Variants in ERCC3 observed in about 807,000 individuals in gnomAD.
The protein encoded by ERCC3 is ERCC excision repair 3, TFIIH core complex helicase subunit, also known as general transcription and DNA repair factor IIH helicase/translocase subunit XPB.
In ERCC3, 66 loss-of-function variants were observed where a neutral mutation model predicts 94.2. The observed-to-expected ratio is 0.70, with a 90% CI of 0.57 to 0.86. The LOEUF (loss-of-function observed/expected upper bound fraction) is 0.86. ERCC3 is among the 40% of genes least tolerant of loss of function. The probability of loss-of-function intolerance (pLI) is 0.00; values close to 1 mark genes in which losing one functional copy is unlikely to be tolerated. For synonymous variants in ERCC3, 349 were observed against 369.1 expected (o/e 0.95, Z 0.63); for missense variants, 829 against 987.1 (o/e 0.84, Z 2.15).
chr2:127,270,959 TGATCAAG>T (rs1347361990), intron 12 of ERCC3, among the ~76,000 whole-genome samples: 1 of 152,212 alleles, frequency 6.6e-6, no homozygotes, highest in Admixed American at 6.5e-5. Context: ...CCCTGCCTCC[TGATCAAG>T]TTCCAGAAGC....
At chr2:127,285,119 G>A (rs1210626070) in intron 8 of ERCC3, among the ~76,000 whole-genome samples, 1 of 152,176 alleles carries the variant, frequency 6.6e-6, no homozygotes, top group Non-Finnish European at 1.5e-5. Flanking sequence ...GGAAGTGAAA[G>A]AAGCCAGACA....
Position 127,261,665 on chromosome 2 carries a change from A to C in ERCC3, c.1946-319T>G, listed in dbSNP as rs4150513. 9.4e-4 allele frequency: 344 copies of C among 364,978 alleles called. 1 individual carries two copies. The highest frequency in any genetic ancestry group is 4.6e-3 in the African/African-American group (221 of 47,610). 22.6% of individuals were successfully genotyped at this position (364,978 alleles called of 1,614,324 possible). ...AATTAATTATAAATGAGAGAAGAAT[A>C]TGAACAGATTACTTCTCCAAAAACA... On this transcript the variant is annotated intron_variant, in intron 12 of 14. Transcript: ENST00000285398.
Position 127,286,996 on chromosome 2 carries a change from C to A in ERCC3, c.1049G>T (p.Gly350Val), listed in dbSNP as rs374654628. The change falls in exon 8 of 15, where the codon GGT (glycine) becomes GTT (valine). Residue 350 changes from glycine (G) to valine (V), a missense_variant. Coordinates refer to ENST00000285398, the MANE Select transcript of ERCC3 (RefSeq NM_000122.2). ...TCTGACAGTGCATGCAGCAGTCACA[C>A]CAACCAGGGACTTTCCAGCACCTAC... ...LPCGAGKSLV[G>V]VTAACTVRKR... 1.1e-5 allele frequency: 17 copies of A among 1,612,898 alleles called. No individual in the cohort carries two copies. The highest frequency in any genetic ancestry group is 1.3e-5 in the African/African-American group (1 of 74,936).
intron 8 of ERCC3, 121 bp downstream of exon 8, chr2:127,286,582 G>A: frequency 1.1e-6 from 1 of 923,390 alleles, no homozygotes; most frequent in Non-Finnish European, 1.8e-6. Flanking sequence ...GCTTTACCCA[G>A]CAAGCCAGCA....
intron 1 of ERCC3, 70 bp downstream of exon 1, chr2:127,293,984 C>G: frequency 1.3e-6 from 2 of 1,578,974 alleles, no homozygotes; most frequent in East Asian, 2.3e-5. Flanking sequence ...CCCGGAGCAG[C>G]TCCGAGGCAG....
Position 127,288,595 on chromosome 2 carries a change from C to G in ERCC3, c.1027+65G>C. ...TTTAGGGAAATGTGCAGAGAGAAAG[C>G]GGGAGGCAGCTGGCAGATCCAGACA... is the stretch of plus-strand genomic sequence containing the variant. On this transcript the variant is annotated intron_variant, in intron 7 of 14. Coordinates refer to ENST00000285398, the MANE Select transcript of ERCC3 (RefSeq NM_000122.2). The G allele has an allele frequency of 3.0e-6, 4 of 1,347,300 alleles. No individual in the cohort carries two copies. The South Asian group carries it at 4.7e-5, about 16-fold the overall frequency. The allele number at this position is 1,347,300 out of a possible 1,614,324, so 83.5% of individuals were successfully genotyped here. A position where few individuals can be genotyped will look rare whatever the true frequency, so the allele number is the denominator to read the frequency against.
intron 10 of ERCC3, among the ~76,000 whole-genome samples, chr2:127,276,770 A>T (rs76319933): frequency 1.6e-5 from 1 of 62,666 alleles, no homozygotes; most frequent in African/African-American, 6.3e-5. Flanking sequence ...TCACGATGAA[A>T]GAAAAACATT....
intron 2 of ERCC3, 41 bp from the exon 3 acceptor site, chr2:127,292,887 A>C (rs958858724): frequency 2.3e-6 from 3 of 1,285,154 alleles, no homozygotes; most frequent in Non-Finnish European, 3.4e-6. Flanking sequence ...AGGAAACATG[A>C]GTTGCAGAGA....
Position 127,289,487 on chromosome 2 carries a change from A to G in ERCC3, c.672T>C (p.Ala224=). The G allele has an allele frequency of 9.3e-6, 15 of 1,612,582 alleles. No individual in the cohort carries two copies. Among genetic ancestry groups the G allele is most frequent in the Non-Finnish European group, 1.2e-5 (14 of 1,180,028 alleles). The part of the protein sequence containing the change: ...FTSKSAISKT[A]ESSGGPSTSR... ...AAGTGGAGGGCCCACCACTGCTTTC[A>G]GCAGTCTTAGAAATCTGTGAGAGAG... Residue 224 remains alanine, a synonymous_variant, in exon 6 of 15, where the codon GCT becomes GCC. Transcript: ENST00000285398.
rs566656100 is a variant in ERCC3, at chr2:127,264,847, A to ATT, written c.1946-3503_1946-3502dup. ...GGTCCAGGACTTTTTTAGTTGGTAG[A>ATT]TTTTTTTTTTTTTTTTTGGAGGCGG... On this transcript the variant is annotated intron_variant, in intron 12 of 14. Transcript: ENST00000285398. This position sits in a 1 kb window ranked among gnomAD's most constrained non-coding sequence, Gnocchi z 4.4. 1.1e-4 allele frequency among the ~76,000 whole-genome samples: 15 copies of ATT among 138,654 alleles called. No individual in the cohort carries two copies. The highest frequency in any genetic ancestry group is 2.4e-4 in the African/African-American group (9 of 37,744). 91.0% of individuals were successfully genotyped at this position (138,654 alleles called of 152,430 possible).
At position 127,264,108 on chromosome 2, in the gene ERCC3, T is replaced by C. The variant is rs1336143493; in HGVS notation, c.1946-2762A>G. Among the ~76,000 whole-genome samples, 1 of 152,214 alleles carries C rather than the reference T, an allele frequency of 6.6e-6. No individual in the cohort carries two copies. Among genetic ancestry groups the C allele is most frequent in the Admixed American group, 6.5e-5 (1 of 15,282 alleles). ...ATAGATGGCTTTTATTATTGTGAGA[T>C]ATGTTCCTTCGATGCCATTTGTTGA... On this transcript the variant is annotated intron_variant, in intron 12 of 14. Coordinates refer to ENST00000285398, the MANE Select transcript of ERCC3 (RefSeq NM_000122.2). This position sits in a 1 kb window ranked among gnomAD's most constrained non-coding sequence, Gnocchi z 4.4.
Position 127,286,990 on chromosome 2 carries a change from G to A in ERCC3, c.1055C>T (p.Thr352Ile), listed in dbSNP as rs1685095021. ...GCGTTTTCTGACAGTGCATGCAGCA[G>A]TCACACCAACCAGGGACTTTCCAGC... ...CGAGKSLVGV[T>I]AACTVRKRCL... is the part of the protein sequence containing the mutation. The change falls in exon 8 of 15, where the codon ACT (threonine) becomes ATT (isoleucine). Residue 352 changes from threonine to isoleucine, a missense_variant. Physicochemically the swap from Thr to Ile is moderately conservative, Grantham distance 89. Coordinates refer to ENST00000285398, the MANE Select transcript of ERCC3 (RefSeq NM_000122.2). The A allele has an allele frequency of 6.2e-7, 1 of 1,613,254 alleles. No individual in the cohort carries two copies. The highest frequency in any genetic ancestry group is 1.1e-5 in the South Asian group (1 of 91,080).
In ERCC3 at chr2:127,277,441, C is replaced by T. The variant is rs1311360984; in HGVS notation, c.1730+1732G>A. Among the ~76,000 whole-genome samples, 1 of 152,160 alleles carries T rather than the reference C, an allele frequency of 6.6e-6. No individual in the cohort carries two copies. ...GCATGGTGGCTCACACCTGTAATCCCAGCACTTTGGAAGGCCGAGGCAGGC... is the reference window on the plus strand; with the variant it reads ...GCATGGTGGCTCACACCTGTAATCCTAGCACTTTGGAAGGCCGAGGCAGGC... On this transcript the variant is annotated intron_variant, in intron 10 of 14. Transcript: ENST00000285398. The surrounding 1 kb of genome is among the most constrained non-coding windows in gnomAD (Gnocchi z 5.1).
chr2:127,263,793 C>T (rs1024582864), intron 12 of ERCC3, among the ~76,000 whole-genome samples: 24 of 151,542 alleles, frequency 1.6e-4, no homozygotes, highest in South Asian at 1.0e-3. Flanking sequence ...CTGCAAGCTC[C>T]GCCTCCCAGG....
At position 127,279,233 on chromosome 2, in the gene ERCC3, T is replaced by C. The variant is rs1445759342; in HGVS notation, c.1670A>G (p.Lys557Arg). 5 of 1,613,790 alleles carry C rather than the reference T, an allele frequency of 3.1e-6. No homozygotes were observed. Among genetic ancestry groups the C allele is most frequent in the African/African-American group, 1.3e-5 (1 of 74,920 alleles). ...LIKFHERRND[K>R]IIVFADNVFA... ...CACATTGTCAGCAAAGACAATAATC[T>C]TGTCATTCCTCCTTTCATGAAACTT... is the stretch of plus-strand genomic sequence containing the variant. The change falls in exon 10 of 15, where the codon AAG (lysine) becomes AGG (arginine). Residue 557 changes from lysine (K) to arginine (R), a missense_variant. By Grantham distance (26) the Lys-to-Arg change is conservative. Coordinates refer to ENST00000285398, the MANE Select transcript of ERCC3 (RefSeq NM_000122.2). The surrounding 1 kb of genome is among the most constrained non-coding windows in gnomAD (Gnocchi z 4.7).
At chr2:127,278,834 CCA>C (rs753246568) in intron 10 of ERCC3, among the ~76,000 whole-genome samples, 81 of 152,214 alleles carry the variant, frequency 5.3e-4, no homozygotes, top group Non-Finnish European at 1.1e-3. Context: ...TCCTCTCCAC[CCA>C]CAGAGCTCAC....
intron 12 of ERCC3, among the ~76,000 whole-genome samples, chr2:127,266,973 C>T (rs922794887): frequency 2.0e-5 from 3 of 152,186 alleles, no homozygotes; most frequent in Non-Finnish European, 4.4e-5. Context: ...GCCTCAGCCT[C>T]CCAAAGTGCT....
chr2:127,258,213 A>G lies in ERCC3; in HGVS notation c.2218-486T>C, dbSNP rs1403114671. 6.6e-6 allele frequency among the ~76,000 whole-genome samples: 1 copy of G among 152,136 alleles called. No individual in the cohort carries two copies. Among genetic ancestry groups the G allele is most frequent in the Non-Finnish European group, 1.5e-5 (1 of 68,024 alleles). On this transcript the variant is annotated intron_variant, in intron 14 of 14. Coordinates refer to ENST00000285398, the MANE Select transcript of ERCC3 (RefSeq NM_000122.2). The surrounding 1 kb of genome is among the most constrained non-coding windows in gnomAD (Gnocchi z 4.1). ...CTCCCAAAGTGCTGGGATTACAGACATGAGCCACCATGCCTGGCCTGAACA... is the reference window on the plus strand; with the variant it reads ...CTCCCAAAGTGCTGGGATTACAGACGTGAGCCACCATGCCTGGCCTGAACA...
At chr2:127,263,538 T>C (rs979803561) in intron 12 of ERCC3, among the ~76,000 whole-genome samples, 4 of 152,154 alleles carry the variant, frequency 2.6e-5, no homozygotes, top group African/African-American at 9.6e-5. Context: ...GTCTTTAGGG[T>C]TTTCTAGGTA....
Sources: allele counts gnomAD v4.1 joint callset (sites outside exome capture counted in the v4.1 genomes callset), GRCh38; gene constraint gnomAD v4.1.1; non-coding constraint Gnocchi (gnomAD v3.1); transcripts MANE v1.5; gene names NCBI Gene and HGNC (gene_info 2026-07-23, HGNC 2026-07-21).